Variants in GPATCH8 observed in about 807,000 individuals in gnomAD.
The protein encoded by GPATCH8 is G patch domain-containing protein 8.
In GPATCH8, 18 loss-of-function variants were observed where a neutral mutation model predicts 118.3. The ratio of observed to expected loss-of-function variants is 0.15; its 90% confidence interval spans 0.11 to 0.23. GPATCH8 has a LOEUF of 0.23. GPATCH8 is among the 10% of genes least tolerant of loss of function. The pLI is 1.00. For missense variants in GPATCH8, 1,631 were observed against 1,873.8 expected, an observed-to-expected ratio of 0.87 and a Z score of 2.39; for synonymous variants, 659 against 684.7, an observed-to-expected ratio of 0.96 and a Z score of 0.59.
chr17:44,410,100 C>G (rs1430817769), intron 6 of GPATCH8, among the ~76,000 whole-genome samples: 1 of 152,178 alleles, frequency 6.6e-6, no homozygotes, highest in South Asian at 2.1e-4. Flanking sequence ...CCAGAAACTT[C>G]TCAGCTTCCT....
At chr17:44,495,050 C>T (rs569920245) in intron 1 of GPATCH8, among the ~76,000 whole-genome samples, 11 of 152,160 alleles carry the variant, frequency 7.2e-5, no homozygotes, top group Admixed American at 7.2e-4. Flanking sequence ...TAAAAGCATG[C>T]CCAGGCCAAC....
Position 44,399,501 on chromosome 17 carries a change from C to T in GPATCH8, c.2576G>A (p.Arg859His), listed in dbSNP as rs775882631. The T allele has an allele frequency of 2.4e-5, 38 of 1,614,058 alleles. No homozygotes were observed. The highest frequency in any genetic ancestry group is 2.8e-5 in the Non-Finnish European group (33 of 1,180,036). Reference sequence around the variant, plus strand: ...CCGGGAGGAACGATGCGAGGAATGGCGCCGGCCAGACCTTGAGCGGCTGCG... The same window carrying T: ...CCGGGAGGAACGATGCGAGGAATGGTGCCGGCCAGACCTTGAGCGGCTGCG... ...HSRSRSRSGR[R>H]HSSHRSSRRS... The change falls in exon 8 of 8, where the codon CGC becomes CAC. Residue 859 changes from arginine to histidine, a missense_variant. Coordinates refer to ENST00000591680, the MANE Select transcript of GPATCH8 (RefSeq NM_001002909.4).
At position 44,399,763 on chromosome 17, in the gene GPATCH8, C is replaced by A; in HGVS notation, c.2314G>T (p.Gly772Cys). 1 of 1,613,924 alleles carries A rather than the reference C, an allele frequency of 6.2e-7. No homozygotes were observed. The highest frequency in any genetic ancestry group is 8.5e-7 in the Non-Finnish European group (1 of 1,179,928). Residue 772 changes from glycine to cysteine, a missense_variant, in exon 8 of 8, where the codon GGT (glycine) becomes TGT (cysteine). Physicochemically the swap from Gly to Cys is radical, Grantham distance 159. Coordinates refer to ENST00000591680, the MANE Select transcript of GPATCH8 (RefSeq NM_001002909.4). Reference protein sequence around the residue: ...EEGSSGKKDEGGGGSSSQDHG... With the variant: ...EEGSSGKKDECGGGSSSQDHG... ...TCTTGGGAGCTGCTACCACCCCCAC[C>A]TTCATCCTTTTTGCCACTGCTCCCC... is the stretch of plus-strand genomic sequence containing the variant.
chr17:44,456,251 G>C (rs2051326566), intron 3 of GPATCH8, among the ~76,000 whole-genome samples: 1 of 152,186 alleles, frequency 6.6e-6, no homozygotes. Flanking sequence ...CAAGTAGCTA[G>C]GACTACAGGC....
chr17:44,461,637 C>T (rs774780864), intron 3 of GPATCH8, among the ~76,000 whole-genome samples: 2 of 151,986 alleles, frequency 1.3e-5, no homozygotes, highest in Non-Finnish European at 2.9e-5. Flanking sequence ...TGGATAAAAC[C>T]TAACTCCTCT....
rs201804262 is a variant in GPATCH8 at position 44,397,889 on chromosome 17, G to C, written c.4188C>G (p.His1396Gln). 2.3e-4 allele frequency: 363 copies of C among 1,610,668 alleles called. No individual in the cohort carries two copies. Among genetic ancestry groups the C allele is most frequent in the Non-Finnish European group, 2.8e-4 (334 of 1,177,212 alleles). The change falls in exon 8 of 8, where the codon CAC becomes CAG. Residue 1396 changes from histidine to glutamine, a missense_variant. His to Gln is a conservative substitution (Grantham distance 24). Coordinates refer to ENST00000591680, the MANE Select transcript of GPATCH8 (RefSeq NM_001002909.4). ...AAAAAIGIHP[H>Q]PHPQPLAQVH... ...CCTGGGCAAGTGGTTGGGGATGGGGGTGAGGGTGAATGCCGATGGCGGCAG... is the reference window on the plus strand; with the variant it reads ...CCTGGGCAAGTGGTTGGGGATGGGGCTGAGGGTGAATGCCGATGGCGGCAG...
intron 2 of GPATCH8, among the ~76,000 whole-genome samples, chr17:44,468,568 T>C (rs527460074): frequency 4.0e-5 from 6 of 151,772 alleles, no homozygotes; most frequent in Admixed American, 2.6e-4. Context: ...ATTTCCAAAG[T>C]AGTAATTATT....
chr17:44,442,066 T>C (rs891741873), intron 3 of GPATCH8, among the ~76,000 whole-genome samples: 19 of 141,012 alleles, frequency 1.3e-4, no homozygotes, highest in Non-Finnish European at 2.7e-4. Flanking sequence ...ATAATATATA[T>C]ATACACATAT....
At chr17:44,502,638 A>G (rs1302319568) in intron 1 of GPATCH8, among the ~76,000 whole-genome samples, 1 of 152,096 alleles carries the variant, frequency 6.6e-6, no homozygotes, top group Non-Finnish European at 1.5e-5. Context: ...TATTATCATC[A>G]CGCTTCTCAC....
intron 3 of GPATCH8, among the ~76,000 whole-genome samples, chr17:44,444,210 C>A (rs2050793898): frequency 1.3e-5 from 2 of 151,058 alleles, no homozygotes; most frequent in South Asian, 4.2e-4. Flanking sequence ...TATCCTCAAG[C>A]CCTTAGAAGA....
intron 3 of GPATCH8, among the ~76,000 whole-genome samples, chr17:44,448,305 C>A (rs2050961937): frequency 1.3e-5 from 2 of 151,912 alleles, no homozygotes; most frequent in Admixed American, 1.3e-4. Flanking sequence ...CGCCTATAAT[C>A]CCAGCACTTT....
At chr17:44,415,000 C>T (rs949380514) in intron 6 of GPATCH8, among the ~76,000 whole-genome samples, 1 of 152,114 alleles carries the variant, frequency 6.6e-6, no homozygotes, top group African/African-American at 2.4e-5. Context: ...GGGTTATTTC[C>T]CTTTTTGGCT....
chr17:44,480,427 A>G (rs1968133258), intron 1 of GPATCH8, among the ~76,000 whole-genome samples: 1 of 152,150 alleles, frequency 6.6e-6, no homozygotes, highest in Non-Finnish European at 1.5e-5. Flanking sequence ...TAAAAAATAC[A>G]AAAATTGGCC....
rs779343082 is a variant in GPATCH8 at position 44,397,504 on chromosome 17, A to G, written c.*64T>C. 43 of 1,141,430 alleles carry G rather than the reference A, an allele frequency of 3.8e-5. 1 individual carries two copies. The South Asian group carries it at 4.5e-4, about 12-fold the overall frequency. 70.7% of individuals were successfully genotyped at this position (1,141,430 alleles called of 1,614,324 possible). ...TCTACTTGCTGGTATTAATGGCTCA[A>G]CACCCCCAAGGGAACATTTATGGGT... On this transcript the variant is annotated 3_prime_UTR_variant, in exon 8 of 8. Transcript: ENST00000591680.
rs762568346 is a variant in GPATCH8, at chr17:44,398,253, T to C, written c.3824A>G (p.Asp1275Gly). 3.7e-6 allele frequency: 6 copies of C among 1,613,050 alleles called. No individual in the cohort carries two copies. Among genetic ancestry groups the C allele is most frequent in the Non-Finnish European group, 4.2e-6 (5 of 1,179,460 alleles). The change falls in exon 8 of 8, where the codon GAC (aspartate) becomes GGC (glycine). Residue 1275 changes from aspartate (D) to glycine (G), a missense_variant. Around this residue, in one of 8 missense-constraint regions of GPATCH8, gnomAD observed 922 missense variants for 879.7 expected, o/e 1.05. Transcript: ENST00000591680. ...TGCATAACTGGGGAAATGCTCAAGG[T>C]CTGGTGCTATAGGCAGCAAGCTGGA... ...VESSLLPIAP[D>G]LEHFPSYAPP...
intron 3 of GPATCH8, among the ~76,000 whole-genome samples, chr17:44,453,500 G>GGGGTGTGTGTGTGTGTGTGTGTGTGTGT (rs1222816424): frequency 2.8e-5 from 4 of 142,702 alleles, no homozygotes; most frequent in African/African-American, 1.1e-4. Flanking sequence ...GGTAGGTAGG[G>GGGGTGTGTGTGTGTGTGTGTGTGTGTGT]GTGTGTGTGT....
chr17:44,436,780 C>T, intron 3 of GPATCH8: 2 of 562,088 alleles, frequency 3.6e-6, no homozygotes, highest in South Asian at 2.0e-5. Context: ...ATTACTATGG[C>T]AAAATTACAT....
chr17:44,487,199 T>C (rs966698826), intron 1 of GPATCH8, among the ~76,000 whole-genome samples: 1 of 152,230 alleles, frequency 6.6e-6, no homozygotes, highest in Admixed American at 6.5e-5. Context: ...TCACTGATCT[T>C]TTTACTGTTT....
chr17:44,434,497 A>T (rs1044889602), intron 5 of GPATCH8, among the ~76,000 whole-genome samples: 1 of 152,226 alleles, frequency 6.6e-6, no homozygotes, highest in Non-Finnish European at 1.5e-5. Context: ...TGAGGCAAGG[A>T]GTTCAAGACC....
Sources: allele counts gnomAD v4.1 joint callset (sites outside exome capture counted in the v4.1 genomes callset), GRCh38; gene constraint gnomAD v4.1.1; regional missense constraint gnomAD v4.1.1; transcripts MANE v1.5; gene names NCBI Gene and HGNC (gene_info 2026-07-23, HGNC 2026-07-21).